Variants in PPP1R42 observed in about 807,000 individuals in gnomAD.
The protein encoded by PPP1R42 is protein phosphatase 1 regulatory subunit 42, also known as leucine rich repeat containing 67.
In PPP1R42, 34 loss-of-function variants were observed where a neutral mutation model predicts 31.0. That is an observed-to-expected ratio of 1.10 (90% CI 0.83 to 1.46). The LOEUF (loss-of-function observed/expected upper bound fraction) is 1.46, where lower values mean the gene tolerates loss of function less well. PPP1R42 is among the 40% of genes most tolerant of loss of function. PPP1R42 has a pLI of 0.00. For missense variants in PPP1R42, 268 were observed against 303.0 expected (o/e 0.88, Z 0.86); for synonymous variants, 103 against 109.8 (o/e 0.94, Z 0.39).
intron 5 of PPP1R42, among the ~76,000 whole-genome samples, chr8:66,993,660 G>C (rs1341482543): frequency 6.6e-6 from 1 of 152,074 alleles, no homozygotes; most frequent in African/African-American, 2.4e-5. Flanking sequence ...TCATTTTTGT[G>C]GTACTTGTGC....
At chr8:66,997,245 A>G (rs965534206) in intron 5 of PPP1R42, among the ~76,000 whole-genome samples, 1 of 152,188 alleles carries the variant, frequency 6.6e-6, no homozygotes, top group African/African-American at 2.4e-5. Context: ...TGTCTTGATT[A>G]TCGTAACTTT....
At chr8:67,016,568 CAGTT>C (rs1375024566) in intron 2 of PPP1R42, among the ~76,000 whole-genome samples, 3 of 152,188 alleles carry the variant, frequency 2.0e-5, no homozygotes, top group Non-Finnish European at 4.4e-5. Context: ...TTTACATAAC[CAGTT>C]AAATTCTGTG....
At chr8:67,005,526 C>A (rs1466047833) in intron 5 of PPP1R42, among the ~76,000 whole-genome samples, 1 of 152,142 alleles carries the variant, frequency 6.6e-6, no homozygotes, top group African/African-American at 2.4e-5. Context: ...TTGACATGTC[C>A]ATTTCAATAT....
intron 5 of PPP1R42, among the ~76,000 whole-genome samples, chr8:67,002,650 T>A (rs2129536620): frequency 6.6e-6 from 1 of 151,656 alleles, no homozygotes; most frequent in African/African-American, 2.4e-5. Flanking sequence ...TTGGGGCCAC[T>A]TTTTTTGTTG....
chr8:66,965,802 A>G (rs1325269026), intron 7 of PPP1R42, among the ~76,000 whole-genome samples: 1 of 152,112 alleles, frequency 6.6e-6, no homozygotes, highest in Non-Finnish European at 1.5e-5. Flanking sequence ...ACATGCCTGT[A>G]GTCTCAGCTA....
chr8:67,021,878 T>G (rs1489736255), intron 1 of PPP1R42, among the ~76,000 whole-genome samples: 1 of 152,226 alleles, frequency 6.6e-6, no homozygotes, highest in African/African-American at 2.4e-5. Context: ...TCTGGGTTGA[T>G]GTATGTAGCT....
chr8:67,015,199 A>T (rs1263663744), intron 2 of PPP1R42, among the ~76,000 whole-genome samples: 1 of 151,604 alleles, frequency 6.6e-6, no homozygotes, highest in Non-Finnish European at 1.5e-5. Flanking sequence ...TTGTATTTTT[A>T]GTAGAGACGG....
intron 5 of PPP1R42, among the ~76,000 whole-genome samples, chr8:67,007,623 A>C (rs956715385): frequency 2.0e-5 from 3 of 152,208 alleles, no homozygotes; most frequent in Admixed American, 6.5e-5. Flanking sequence ...CTGGGATTAC[A>C]GGCATCAGCC....
chr8:66,969,096 G>A (rs1814468099), intron 7 of PPP1R42, among the ~76,000 whole-genome samples: 1 of 152,162 alleles, frequency 6.6e-6, no homozygotes, highest in Admixed American at 6.5e-5. Context: ...TGAGGGTAGA[G>A]TGATTTATTT....
intron 7 of PPP1R42, among the ~76,000 whole-genome samples, chr8:66,970,460 A>G (rs1259606954): frequency 6.6e-6 from 1 of 152,176 alleles, no homozygotes; most frequent in East Asian, 1.9e-4. Flanking sequence ...CATCAAAGCA[A>G]TACCTTTTTT....
intron 2 of PPP1R42, among the ~76,000 whole-genome samples, chr8:67,015,598 CTT>C (rs375638249): frequency 7.2e-4 from 97 of 135,382 alleles, no homozygotes; most frequent in African/African-American, 1.1e-3. Flanking sequence ...ACATCAATTA[CTT>C]TTTTTTTTTT....
In PPP1R42 at chr8:66,988,401, C is replaced by T. The variant is rs1324907169; in HGVS notation, c.669G>A (p.Leu223=). ...RDRLILVSKS[L]EFLDGKEIKN... The stretch of plus-strand genomic sequence containing the variant: ...AATTATATTAATATAAATATGTACC[C>T]AGTGATTTGGACACCAATATCAGTC... The change falls in exon 6 of 8, where the codon CTG becomes CTA. Residue 223 remains leucine, a splice_region_variant and synonymous_variant. Transcript: ENST00000685739. The T allele has an allele frequency of 6.6e-7, 1 of 1,515,632 alleles. No homozygotes were observed. Among genetic ancestry groups the T allele is most frequent in the East Asian group, 2.5e-5 (1 of 40,016 alleles). The allele number at this position is 1,515,632 out of a possible 1,614,324, so 93.9% of individuals were successfully genotyped here. A position where few individuals can be genotyped will look rare whatever the true frequency, so the allele number is the denominator to read the frequency against.
intron 5 of PPP1R42, among the ~76,000 whole-genome samples, chr8:67,001,437 T>C (rs1373638627): frequency 6.7e-6 from 1 of 149,114 alleles, no homozygotes; most frequent in Non-Finnish European, 1.5e-5. Flanking sequence ...TTATTAATAT[T>C]AATATTAATA....
chr8:66,996,277 C>T (rs1585659124), intron 5 of PPP1R42, among the ~76,000 whole-genome samples: 1 of 152,184 alleles, frequency 6.6e-6, no homozygotes. Flanking sequence ...GTCTCGAACT[C>T]GTGAGCTCAA....
intron 7 of PPP1R42, among the ~76,000 whole-genome samples, chr8:66,980,436 C>G (rs1249219484): frequency 1.3e-5 from 2 of 151,906 alleles, no homozygotes; most frequent in Non-Finnish European, 2.9e-5. Context: ...ACTGTGTTCC[C>G]CAAGCTGATC....
In PPP1R42 at chr8:67,018,348, G is replaced by A. The variant is rs185736344; in HGVS notation, c.-84-517C>T. 7.5e-3 allele frequency among the ~76,000 whole-genome samples: 1,136 copies of A among 151,482 alleles called. 49 individuals carry two copies. The highest frequency in any genetic ancestry group is 8.1e-3 in the East Asian group (41 of 5,092). ...GGCCAGGCTGGTCTCGAACTCCTGA[G>A]CTCAGGCAATTGGCCCGCCTCGGCC... On this transcript the variant is annotated intron_variant, in intron 1 of 7. Coordinates refer to ENST00000685739, the MANE Select transcript of PPP1R42 (RefSeq NM_001364910.1).
chr8:67,023,831 G>A (rs1816297156), intron 1 of PPP1R42, among the ~76,000 whole-genome samples: 1 of 150,782 alleles, frequency 6.6e-6, no homozygotes, highest in African/African-American at 2.4e-5. Flanking sequence ...TATGATATTT[G>A]CTGTAAGTTT....
chr8:67,006,576 A>G (rs759838292), intron 5 of PPP1R42, among the ~76,000 whole-genome samples: 17 of 152,054 alleles, frequency 1.1e-4, no homozygotes, highest in Non-Finnish European at 1.8e-4. Flanking sequence ...TGTGTTGTCC[A>G]GGCTGGTTTT....
chr8:66,966,885 A>T (rs1220432557), intron 7 of PPP1R42, among the ~76,000 whole-genome samples: 1 of 152,198 alleles, frequency 6.6e-6, no homozygotes, highest in Non-Finnish European at 1.5e-5. Context: ...ATCTTATATA[A>T]CTCTTGTTCA....
Sources: gnomAD v4.1 joint callset for allele counts (sites outside exome capture counted in the v4.1 genomes callset) on GRCh38, gnomAD v4.1.1 for gene constraint, MANE v1.5 for transcripts, NCBI Gene and HGNC (gene_info 2026-07-23, HGNC 2026-07-21) for gene names.